The following ZNF354A variants were observed in gnomAD, a reference collection of about 807,000 sequenced individuals.
ZNF354A encodes the protein zinc finger protein 354A, also known as epididymis luminal protein 104.
ZNF354A carries 25 observed loss-of-function variants against 53.3 expected under a neutral mutation model. The ratio of observed to expected loss-of-function variants is 0.47; its 90% CI spans 0.34 to 0.66. ZNF354A has a LOEUF of 0.66. ZNF354A is among the 30% of genes least tolerant of loss of function. The pLI is 0.01. For synonymous variants in ZNF354A, 228 were observed against 249.0 expected, an observed-to-expected ratio of 0.92 and a Z score of 0.79; for missense variants, 586 against 716.8, an observed-to-expected ratio of 0.82 and a Z score of 2.08.
At position 178,729,872 on chromosome 5, in the gene ZNF354A, G is replaced by GCTTCTTTTTTT. The variant is rs746292908; in HGVS notation, c.-52+683_-52+684insAAAAAAAGAAG. On this transcript the variant is annotated intron_variant, in intron 1 of 4. Transcript: ENST00000335815. ...CCATGTATCCCATTTCTAACACGAT[G>GCTTCTTTTTTT]TTTCTTTTTTGAGACGGAGTCTCGC... Among the ~76,000 whole-genome samples the GCTTCTTTTTTT allele has an allele frequency of 5.0e-4, 71 of 143,380 alleles. 2 individuals carry two copies. The highest frequency in any genetic ancestry group is 1.1e-3 in the East Asian group (5 of 4,760). The allele number at this position is 143,380 out of a possible 152,430, so 94.1% of individuals were successfully genotyped here. A position where few individuals can be genotyped will look rare whatever the true frequency, so the allele number is the denominator to read the frequency against.
chr5:178,723,612 G>A (rs896524656), intron 4 of ZNF354A, among the ~76,000 whole-genome samples: 5 of 152,140 alleles, frequency 3.3e-5, no homozygotes. Context: ...TCACAGCACC[G>A]AGTGTCTTTC....
rs747494952 is a variant in ZNF354A at position 178,713,225 on chromosome 5, A to C, written c.653T>G (p.Leu218Arg). Residue 218 changes from leucine (L) to arginine (R), a missense_variant, in exon 5 of 5, where the codon CTG becomes CGG. Leu to Arg is a moderately radical substitution (Grantham distance 102). This residue lies in a region of ZNF354A where 573 missense variants were observed against 680.1 expected (regional missense o/e 0.84). Coordinates refer to ENST00000335815, the MANE Select transcript of ZNF354A (RefSeq NM_005649.3). ...AGTGTTAATGAAGGTTTTTTCACAC[A>C]GACTACATTTATAGCGTTTATCTGC... The part of the protein sequence containing the change: ...ITADKRYKCS[L>R]CEKTFINTSS... The C allele has an allele frequency of 6.2e-7, 1 of 1,614,158 alleles. No homozygotes were observed. The highest frequency in any genetic ancestry group is 8.5e-7 in the Non-Finnish European group (1 of 1,180,012).
At chr5:178,724,227 C>CTTT (rs768708878) in intron 4 of ZNF354A, among the ~76,000 whole-genome samples, 2 of 143,472 alleles carry the variant, frequency 1.4e-5, no homozygotes, top group Non-Finnish European at 3.1e-5. Context: ...GGCTTCCCGC[C>CTTT]TTTTTTTTTT....
At chr5:178,726,866 A>G (rs1765918571) in intron 3 of ZNF354A, 133 bp downstream of exon 3, 2 of 1,340,362 alleles carry the variant, frequency 1.5e-6, no homozygotes, top group African/African-American at 1.5e-5. Flanking sequence ...ATGTTTATTT[A>G]TAAAGATCTG....
chr5:178,719,490 A>C (rs1193368894), intron 4 of ZNF354A, among the ~76,000 whole-genome samples: 1 of 152,194 alleles, frequency 6.6e-6, no homozygotes. Flanking sequence ...GACATATAAG[A>C]TAGGATGTGA....
At chr5:178,726,541 C>G (rs140543903) in intron 3 of ZNF354A, among the ~76,000 whole-genome samples, 1 of 152,064 alleles carries the variant, frequency 6.6e-6, no homozygotes, top group South Asian at 2.1e-4. Flanking sequence ...ACCTCATGAT[C>G]TGCCCGCCTT....
At chr5:178,726,088 C>T (rs1159443817) in intron 3 of ZNF354A, 5 of 436,988 alleles carry the variant, frequency 1.1e-5, no homozygotes, top group South Asian at 1.6e-5. Context: ...GTGATCTGCC[C>T]GCCTCGGCCT....
intron 4 of ZNF354A, 123 bp downstream of exon 4, chr5:178,725,253 G>C: frequency 1.1e-6 from 1 of 919,702 alleles, no homozygotes; most frequent in Non-Finnish European, 1.8e-6. Context: ...CTGGGCTTCC[G>C]CTTCCCCATC....
chr5:178,721,094 A>G (rs1765804258), intron 4 of ZNF354A, among the ~76,000 whole-genome samples: 1 of 152,160 alleles, frequency 6.6e-6, no homozygotes, highest in East Asian at 1.9e-4. Flanking sequence ...CCCCTGTTCC[A>G]TCCTTTTTCT....
chr5:178,715,442 C>G (rs568182923), intron 4 of ZNF354A, among the ~76,000 whole-genome samples: 4 of 152,136 alleles, frequency 2.6e-5, no homozygotes, highest in Admixed American at 1.3e-4. Context: ...ACTTCACATG[C>G]CTTATATCTT....
At chr5:178,729,817 G>A (rs1180565841) in intron 1 of ZNF354A, among the ~76,000 whole-genome samples, 2 of 151,694 alleles carry the variant, frequency 1.3e-5, no homozygotes, top group African/African-American at 4.8e-5. Context: ...AAAAATCTAG[G>A]ATTACAGGCG....
intron 4 of ZNF354A, among the ~76,000 whole-genome samples, chr5:178,718,813 G>A (rs1383916189): frequency 4.6e-5 from 7 of 152,042 alleles, no homozygotes; most frequent in African/African-American, 1.7e-4. Context: ...GCTCACTGCA[G>A]CCTCAAACTC....
intron 3 of ZNF354A, chr5:178,725,934 G>T: frequency 4.0e-6 from 1 of 249,508 alleles, no homozygotes; most frequent in Non-Finnish European, 8.1e-6. Context: ...TGCAACCTCC[G>T]TCTCCCGGGT....
chr5:178,713,852 G>C (rs1296544406), intron 4 of ZNF354A, among the ~76,000 whole-genome samples: 1 of 152,140 alleles, frequency 6.6e-6, no homozygotes, highest in Non-Finnish European at 1.5e-5. Context: ...CCCATTTAAA[G>C]AGGGTGAGAA....
chr5:178,724,752 C>T (rs958001956), intron 4 of ZNF354A, among the ~76,000 whole-genome samples: 3 of 152,174 alleles, frequency 2.0e-5, no homozygotes, highest in Non-Finnish European at 4.4e-5. Flanking sequence ...ATTACACATA[C>T]ACATAATTTT....
Position 178,712,300 on chromosome 5 carries a change from T to C in ZNF354A, c.1578A>G (p.Glu526=). 6.2e-7 allele frequency: 1 copy of C among 1,614,146 alleles called. No homozygotes were observed. The highest frequency in any genetic ancestry group is 8.5e-7 in the Non-Finnish European group (1 of 1,179,996). The change falls in exon 5 of 5, where the codon GAA becomes GAG. Residue 526 remains glutamate (E), a synonymous_variant. Coordinates refer to ENST00000335815, the MANE Select transcript of ZNF354A (RefSeq NM_005649.3). ...AACTTTGGCCAAAAGATATCCCACA[T>C]TCCTCACATCGATATGGTTTCTCTC... is the stretch of plus-strand genomic sequence containing the variant. ...HTGEKPYRCE[E]CGISFGQSSA...
intron 4 of ZNF354A, among the ~76,000 whole-genome samples, chr5:178,720,936 C>T (rs535784696): frequency 1.3e-5 from 2 of 152,194 alleles, no homozygotes; most frequent in Admixed American, 1.3e-4. Flanking sequence ...AAGCCACCAA[C>T]CTGGAACACA....
intron 4 of ZNF354A, among the ~76,000 whole-genome samples, chr5:178,721,965 A>ACCAAGAC (rs1295922501): frequency 6.6e-6 from 1 of 152,096 alleles, no homozygotes; most frequent in Non-Finnish European, 1.5e-5. Context: ...CTAATCAATT[A>ACCAAGAC]CCAAGACCTG....
At chr5:178,717,476 A>G (rs1179303545) in intron 4 of ZNF354A, among the ~76,000 whole-genome samples, 1 of 151,928 alleles carries the variant, frequency 6.6e-6, no homozygotes, top group African/African-American at 2.4e-5. Flanking sequence ...GAGAGCTGCC[A>G]CCAACCACCA....
Sources: gnomAD v4.1 joint callset for allele counts (sites outside exome capture counted in the v4.1 genomes callset) on GRCh38, gnomAD v4.1.1 for gene constraint, gnomAD v4.1.1 regional missense constraint, MANE v1.5 for transcripts, NCBI Gene and HGNC (gene_info 2026-07-23, HGNC 2026-07-21) for gene names.